AGBL1: variants seen among roughly 807,000 people sequenced by gnomAD.
AGBL1 encodes cytosolic carboxypeptidase 4.
In AGBL1, 130 loss-of-function variants were observed where a neutral mutation model predicts 118.9. The observed-to-expected ratio is 1.09, with a 90% CI of 0.95 to 1.26. The LOEUF is 1.26. AGBL1 is among the 50% of genes most tolerant of loss of function. The probability of loss-of-function intolerance (pLI) is 0.00; values close to 1 mark genes in which losing one functional copy is unlikely to be tolerated. For synonymous variants in AGBL1, 555 were observed against 478.9 expected (o/e 1.16, Z -2.08); for missense variants, 1,584 against 1,298.1 (o/e 1.22, Z -3.38).
chr15:86,951,579 T>C (rs897017584), intron 23 of AGBL1, among the ~76,000 whole-genome samples: 1 of 152,196 alleles, frequency 6.6e-6, no homozygotes, highest in Admixed American at 6.5e-5. Flanking sequence ...TTAACTGATT[T>C]ATATTAATTT....
intron 23 of AGBL1, among the ~76,000 whole-genome samples, chr15:86,928,655 A>G (rs2080572929): frequency 6.6e-6 from 1 of 152,266 alleles, no homozygotes; most frequent in East Asian, 1.9e-4. Context: ...TGTTTTCTGT[A>G]TGTGTATGAA....
chr15:86,893,974 AG>A (rs2080087581), intron 22 of AGBL1, among the ~76,000 whole-genome samples: 1 of 152,218 alleles, frequency 6.6e-6, no homozygotes, highest in African/African-American at 2.4e-5. Flanking sequence ...TATTTGGAGA[AG>A]AATTCAAACC....
intron 17 of AGBL1, among the ~76,000 whole-genome samples, chr15:86,335,186 TGGA>T (rs2080344835): frequency 1.3e-5 from 2 of 152,006 alleles, no homozygotes. Flanking sequence ...TTGCCCAGGC[TGGA>T]GTGTAGTGGC....
intron 3 of AGBL1, among the ~76,000 whole-genome samples, chr15:86,145,328 T>C (rs2077018330): frequency 6.6e-6 from 1 of 152,204 alleles, no homozygotes; most frequent in Admixed American, 6.5e-5. Context: ...TTAGGCTCCA[T>C]AGTCATTTCT....
intron 16 of AGBL1, among the ~76,000 whole-genome samples, chr15:86,281,211 C>T (rs960266560): frequency 6.6e-6 from 1 of 152,040 alleles, no homozygotes; most frequent in Non-Finnish European, 1.5e-5. Context: ...GGTGAAACCA[C>T]CATCTCTACA....
intron 22 of AGBL1, among the ~76,000 whole-genome samples, chr15:86,756,012 C>T (rs140171494): frequency 3.9e-4 from 59 of 152,186 alleles, no homozygotes; most frequent in African/African-American, 1.2e-3. Flanking sequence ...AGCCAAGAGC[C>T]CAGATGGCTT....
At position 86,852,214 on chromosome 15, in the gene AGBL1, G is replaced by A. The variant is rs2141460938; in HGVS notation, c.3159-54873G>A. On this transcript the variant is annotated intron_variant, in intron 22 of 22. Coordinates refer to ENST00000614907, the MANE Select transcript of AGBL1 (RefSeq NM_001386094.1). ...GAAGCAGGCACCTTCTTCACAAGGG[G>A]CAGGAGAGAAAGAAGTGCAAGCAGA... Among the ~76,000 whole-genome samples the A allele has an allele frequency of 2.0e-5, 3 of 152,234 alleles. No individual in the cohort carries two copies. In the East Asian group the frequency reaches 5.8e-4, roughly 29 times the overall value.
rs1038677906 is a variant in AGBL1, at chr15:86,910,461, G to A, written c.*3167G>A. ...CTGAATGTAATGGGGGAGACTTAAA[G>A]AGCTTTCAGCAGAGGCATGCCCGTG... On this transcript the variant is annotated 3_prime_UTR_variant, in exon 23 of 23. Transcript: ENST00000614907. 5 of 152,208 alleles carry A rather than the reference G, an allele frequency of 3.3e-5. No homozygotes were observed. The East Asian group carries it at 9.6e-4, about 29-fold the overall frequency. 9.4% of individuals were successfully genotyped at this position (152,208 alleles called of 1,614,324 possible). A position where few individuals can be genotyped will look rare whatever the true frequency, so the allele number is the denominator to read the frequency against.
intron 24 of AGBL1, among the ~76,000 whole-genome samples, chr15:86,996,631 T>C (rs1347213794): frequency 6.6e-6 from 1 of 152,054 alleles, no homozygotes; most frequent in Non-Finnish European, 1.5e-5. Flanking sequence ...TACCTAAGAG[T>C]AGAATTGCTG....
intron 21 of AGBL1, among the ~76,000 whole-genome samples, chr15:86,590,336 C>T (rs2084316895): frequency 6.6e-6 from 1 of 152,086 alleles, no homozygotes; most frequent in South Asian, 2.1e-4. Flanking sequence ...GGTGGTTACC[C>T]TCATGCTGTT....
chr15:86,255,255 T>C (rs961275770), intron 7 of AGBL1, among the ~76,000 whole-genome samples: 7 of 152,200 alleles, frequency 4.6e-5, no homozygotes, highest in Non-Finnish European at 1.0e-4. Flanking sequence ...TTCCCATTGC[T>C]GATACTTTTC....
chr15:86,115,034 G>T (rs1030319021), intron 1 of AGBL1, among the ~76,000 whole-genome samples: 4 of 152,176 alleles, frequency 2.6e-5, no homozygotes, highest in African/African-American at 4.8e-5. Context: ...CTGGGTTATG[G>T]ATAAACACTG....
At chr15:86,124,804 G>A (rs1442799086) in intron 1 of AGBL1, among the ~76,000 whole-genome samples, 2 of 152,096 alleles carry the variant, frequency 1.3e-5, no homozygotes, top group African/African-American at 2.4e-5. Context: ...ACAGAAGAAG[G>A]TTGTAATGCT....
At chr15:86,706,310 T>C (rs1238143957) in intron 22 of AGBL1, among the ~76,000 whole-genome samples, 2 of 152,032 alleles carry the variant, frequency 1.3e-5, no homozygotes, top group Admixed American at 1.3e-4. Flanking sequence ...TGATATAAGA[T>C]TATGAAATAA....
intron 22 of AGBL1, among the ~76,000 whole-genome samples, chr15:86,857,241 A>C (rs555475159): frequency 6.6e-6 from 1 of 152,266 alleles, no homozygotes; most frequent in African/African-American, 2.4e-5. Context: ...TCTATTCCCT[A>C]CGTGTCAACC....
At chr15:86,481,131 C>CA (rs61161857) in intron 18 of AGBL1, among the ~76,000 whole-genome samples, 1,538 of 133,694 alleles carry the variant, frequency 0.012, 11 homozygotes, top group Non-Finnish European at 0.016. Flanking sequence ...ACAATGAGAG[C>CA]AAAAAAAAAA....
chr15:86,905,447 G>A (rs994401106), intron 22 of AGBL1, among the ~76,000 whole-genome samples: 13 of 152,214 alleles, frequency 8.5e-5, no homozygotes, highest in Non-Finnish European at 1.3e-4. Flanking sequence ...GGCTGGTTTT[G>A]CAACAGTTAT....
rs745534949 is a variant in AGBL1, at chr15:86,266,341, G to C, written c.1668-33G>C. On this transcript the variant is annotated intron_variant, in intron 11 of 22. Coordinates refer to ENST00000614907, the MANE Select transcript of AGBL1 (RefSeq NM_001386094.1). ...ATGAGTGAGCTAGGGAGAGAAGGCC[G>C]ACCCTTAAAATGTTTTCAATTTTCT... 10 of 1,519,718 alleles carry C rather than the reference G, an allele frequency of 6.6e-6. No homozygotes were observed. The South Asian group carries it at 1.1e-4, about 17-fold the overall frequency. The allele number at this position is 1,519,718 out of a possible 1,614,324, so 94.1% of individuals were successfully genotyped here. A position where few individuals can be genotyped will look rare whatever the true frequency, so the allele number is the denominator to read the frequency against.
intron 24 of AGBL1, among the ~76,000 whole-genome samples, chr15:87,027,286 G>A (rs977058159): frequency 1.3e-5 from 2 of 151,968 alleles, no homozygotes; most frequent in Non-Finnish European, 2.9e-5. Context: ...AACAACAGAT[G>A]CTGGCAAGAT....
Sources: allele counts gnomAD v4.1 joint callset (sites outside exome capture counted in the v4.1 genomes callset), GRCh38; gene constraint gnomAD v4.1.1; transcripts MANE v1.5; gene names NCBI Gene and HGNC (gene_info 2026-07-23, HGNC 2026-07-21).